Variants in KCNQ5 observed in about 807,000 individuals in gnomAD.
KCNQ5 encodes potassium voltage-gated channel subfamily KQT member 5.
Under a neutral mutation model 98.2 loss-of-function variants are expected in KCNQ5, and 30 were observed. The ratio of observed to expected loss-of-function variants is 0.31; its 90% CI spans 0.23 to 0.41. The LOEUF (loss-of-function observed/expected upper bound fraction) is 0.41, where lower values mean the gene tolerates loss of function less well. Among genes scored for constraint, KCNQ5 ranks in the 10% least tolerant of loss-of-function variants. The pLI, the probability that KCNQ5 is intolerant of heterozygous loss-of-function variation, is 1.00. For missense variants in KCNQ5, 835 were observed against 1,182.5 expected, an observed-to-expected ratio of 0.71 and a Z score of 4.31; for synonymous variants, 458 against 449.4, an observed-to-expected ratio of 1.02 and a Z score of -0.24.
intron 1 of KCNQ5, among the ~76,000 whole-genome samples, chr6:72,786,982 G>C (rs1326805439): frequency 7.0e-6 from 1 of 142,192 alleles, no homozygotes; most frequent in African/African-American, 2.6e-5. Context: ...TCCAGCCTGG[G>C]CGACACAGCA....
chr6:73,015,355 G>A (rs972893816), intron 2 of KCNQ5, among the ~76,000 whole-genome samples: 3 of 152,020 alleles, frequency 2.0e-5, no homozygotes, highest in African/African-American at 4.8e-5. Flanking sequence ...AAAAAAGCAG[G>A]AATAGTTAAA....
At chr6:72,939,665 T>A (rs984706724) in intron 1 of KCNQ5, among the ~76,000 whole-genome samples, 2 of 152,204 alleles carry the variant, frequency 1.3e-5, no homozygotes, top group South Asian at 2.1e-4. Flanking sequence ...TTATGCAGTC[T>A]TTCACTCACT....
At position 73,116,968 on chromosome 6, in the gene KCNQ5, A is replaced by C. The variant is rs563744705; in HGVS notation, c.1126-3515A>C. Among the ~76,000 whole-genome samples the C allele has an allele frequency of 2.6e-5, 4 of 152,258 alleles. No homozygotes were observed. The East Asian group carries it at 5.8e-4, about 22-fold the overall frequency. ...CTTGCAAGACAAACAAAATACTCCCAAAAAAACTGAATTATACTGGCCTTG... is the reference window on the plus strand; with the variant it reads ...CTTGCAAGACAAACAAAATACTCCCCAAAAAACTGAATTATACTGGCCTTG... On this transcript the variant is annotated intron_variant, in intron 7 of 13. Transcript: ENST00000370398.
chr6:72,694,654 C>G (rs1011848726), intron 1 of KCNQ5, among the ~76,000 whole-genome samples: 2 of 152,182 alleles, frequency 1.3e-5, no homozygotes, highest in Non-Finnish European at 2.9e-5. Context: ...GTAAGAATAC[C>G]TGGACAGACT....
intron 2 of KCNQ5, among the ~76,000 whole-genome samples, chr6:73,018,455 A>G (rs1413878616): frequency 6.6e-6 from 1 of 151,874 alleles, no homozygotes; most frequent in East Asian, 1.9e-4. Flanking sequence ...TCGAAACCCC[A>G]ACACTGTGAG....
chr6:72,839,171 C>G (rs1488353572), intron 1 of KCNQ5, among the ~76,000 whole-genome samples: 1 of 151,690 alleles, frequency 6.6e-6, no homozygotes, highest in Non-Finnish European at 1.5e-5. Flanking sequence ...TGACTAACAA[C>G]CATACAGTTC....
chr6:72,735,128 G>A (rs943962230), intron 1 of KCNQ5, among the ~76,000 whole-genome samples: 1 of 152,124 alleles, frequency 6.6e-6, no homozygotes, highest in Non-Finnish European at 1.5e-5. Flanking sequence ...CTTGCTGTTG[G>A]ATAACTTGGT....
Position 72,924,683 on chromosome 6 carries a change from C to CCA in KCNQ5, c.399-79215_399-79214dup, listed in dbSNP as rs920504312. Among the ~76,000 whole-genome samples, 12 of 152,080 alleles carry CCA rather than the reference C, an allele frequency of 7.9e-5. No homozygotes were observed. In the South Asian group the frequency reaches 1.0e-3, roughly 13 times the overall value. ...CTCTCACCCTCCTTCCACTCGCATA[C>CCA]CACACACACACCTTCAACACTTCGA... is the stretch of plus-strand genomic sequence containing the variant. On this transcript the variant is annotated intron_variant, in intron 1 of 13. Transcript: ENST00000370398.
intron 1 of KCNQ5, among the ~76,000 whole-genome samples, chr6:72,853,158 C>T (rs956734802): frequency 2.6e-5 from 4 of 152,112 alleles, no homozygotes; most frequent in Non-Finnish European, 4.4e-5. Context: ...AGACTTTAGT[C>T]AAAGCGAAGA....
chr6:73,068,906 G>T (rs1011916345), intron 3 of KCNQ5, among the ~76,000 whole-genome samples: 1 of 152,090 alleles, frequency 6.6e-6, no homozygotes, highest in Non-Finnish European at 1.5e-5. Context: ...TATTCACATT[G>T]TTAATGGTTT....
At chr6:73,036,060 G>C (rs1038997379) in intron 2 of KCNQ5, among the ~76,000 whole-genome samples, 1 of 150,150 alleles carries the variant, frequency 6.7e-6, no homozygotes, top group East Asian at 2.0e-4. Context: ...ATCACTTGCA[G>C]AGATTAGTAT....
At chr6:72,695,953 G>A (rs1009118044) in intron 1 of KCNQ5, among the ~76,000 whole-genome samples, 1 of 152,096 alleles carries the variant, frequency 6.6e-6, no homozygotes, top group Non-Finnish European at 1.5e-5. Flanking sequence ...CAAAAGTAAT[G>A]TTTTGAGAGA....
intron 10 of KCNQ5, among the ~76,000 whole-genome samples, chr6:73,154,377 G>A (rs1360024792): frequency 6.6e-6 from 1 of 152,180 alleles, no homozygotes; most frequent in African/African-American, 2.4e-5. Context: ...TGGGATAAAT[G>A]TCAGTTTGGA....
intron 1 of KCNQ5, among the ~76,000 whole-genome samples, chr6:72,907,711 C>A (rs1188373495): frequency 2.0e-5 from 3 of 152,070 alleles, no homozygotes; most frequent in Non-Finnish European, 4.4e-5. Flanking sequence ...CAGTTTATGA[C>A]AAGTCAGTAT....
intron 1 of KCNQ5, among the ~76,000 whole-genome samples, chr6:72,975,829 A>T (rs550302892): frequency 6.6e-6 from 1 of 152,322 alleles, no homozygotes; most frequent in African/African-American, 2.4e-5. Context: ...GCAAGTTCTT[A>T]TGACTGCTTT....
chr6:72,871,236 A>G (rs984387678), intron 1 of KCNQ5, among the ~76,000 whole-genome samples: 1 of 152,170 alleles, frequency 6.6e-6, no homozygotes, highest in African/African-American at 2.4e-5. Context: ...TTAGTTTGGA[A>G]GAAGAGATCA....
intron 1 of KCNQ5, chr6:72,987,107 G>C (rs1484876752): frequency 3.0e-6 from 2 of 661,500 alleles, no homozygotes; most frequent in Non-Finnish European, 5.5e-6. Flanking sequence ...TGAGGCTCCG[G>C]AATACATCCA....
intron 1 of KCNQ5, among the ~76,000 whole-genome samples, chr6:72,792,007 A>G (rs563637503): frequency 3.3e-5 from 5 of 152,318 alleles, no homozygotes; most frequent in South Asian, 2.1e-4. Context: ...GCCAGCCACT[A>G]TATTTTCATG....
intron 1 of KCNQ5, among the ~76,000 whole-genome samples, chr6:72,736,053 T>G (rs1036434188): frequency 2.0e-5 from 3 of 150,158 alleles, no homozygotes; most frequent in Non-Finnish European, 4.4e-5. Flanking sequence ...AAACTCACAA[T>G]TTAAGATTCA....
Sources: allele counts gnomAD v4.1 joint callset (sites outside exome capture counted in the v4.1 genomes callset), GRCh38; gene constraint gnomAD v4.1.1; transcripts MANE v1.5; gene names NCBI Gene and HGNC (gene_info 2026-07-23, HGNC 2026-07-21).